Variants in GAD2 observed in about 807,000 individuals in gnomAD.
GAD2 encodes 65 kDa glutamic acid decarboxylase.
Under a neutral mutation model 80.1 loss-of-function variants are expected in GAD2, and 22 were observed. The observed-to-expected ratio is 0.27, with a 90% CI of 0.20 to 0.39. GAD2 has a LOEUF of 0.39. GAD2 is among the 10% of genes least tolerant of loss of function. The pLI, the probability that GAD2 is intolerant of heterozygous loss-of-function variation, is 1.00. For synonymous variants in GAD2, 274 were observed against 256.9 expected (o/e 1.07, Z -0.64); for missense variants, 624 against 738.4 (o/e 0.85, Z 1.80).
At chr10:26,248,771 T>G (rs961316839) in intron 8 of GAD2, among the ~76,000 whole-genome samples, 1 of 152,194 alleles carries the variant, frequency 6.6e-6, no homozygotes, top group Non-Finnish European at 1.5e-5. Context: ...ATTGCCTGAT[T>G]TTGTTTGATT....
At chr10:26,241,325 G>A (rs190762032) in intron 7 of GAD2, among the ~76,000 whole-genome samples, 28 of 152,238 alleles carry the variant, frequency 1.8e-4, no homozygotes, top group Admixed American at 1.0e-3. Context: ...GGACAAATTT[G>A]AATTCTTGTA....
intron 7 of GAD2, among the ~76,000 whole-genome samples, chr10:26,237,998 TCACACAGACACACACA>T (rs1319646344): frequency 1.7e-4 from 20 of 117,592 alleles, no homozygotes; most frequent in African/African-American, 6.7e-4. Flanking sequence ...CGAGACTCCA[TCACACAGACACACACA>T]CACACACACA....
At chr10:26,251,482 A>G (rs1215700486) in intron 8 of GAD2, among the ~76,000 whole-genome samples, 2 of 152,200 alleles carry the variant, frequency 1.3e-5, no homozygotes, top group South Asian at 2.1e-4. Flanking sequence ...TGAAGATTCA[A>G]TGTGTTGACA....
chr10:26,219,001 C>A, intron 3 of GAD2, 42 bp from the exon 4 acceptor site: 1 of 1,426,606 alleles, frequency 7.0e-7, no homozygotes, highest in Non-Finnish European at 9.5e-7. Context: ...TGAATATTTT[C>A]AAAGTAAAAT....
intron 4 of GAD2, among the ~76,000 whole-genome samples, chr10:26,219,715 A>G (rs1010751770): frequency 7.9e-5 from 12 of 152,354 alleles, no homozygotes; most frequent in South Asian, 6.2e-4. Flanking sequence ...GATCAGAAAC[A>G]GGACTCACCA....
In GAD2 at chr10:26,301,161, C is replaced by T. The variant is rs558907670; in HGVS notation, c.*200C>T. The T allele has an allele frequency of 1.7e-5, 9 of 539,156 alleles. No homozygotes were observed. The highest frequency in any genetic ancestry group is 5.0e-4 in the Middle Eastern group (1 of 2,014). 33.4% of individuals were successfully genotyped at this position (539,156 alleles called of 1,614,324 possible). A position where few individuals can be genotyped will look rare whatever the true frequency, so the allele number is the denominator to read the frequency against. ...AGTTTAGAATACCTCTCTAAGAATTCGTGACAAAAGGCTATGTTCTAATCA... is the reference window on the plus strand; with the variant it reads ...AGTTTAGAATACCTCTCTAAGAATTTGTGACAAAAGGCTATGTTCTAATCA... On this transcript the variant is annotated 3_prime_UTR_variant, in exon 16 of 16. Transcript: ENST00000376261.
At chr10:26,241,574 G>A (rs1021878912) in intron 7 of GAD2, among the ~76,000 whole-genome samples, 2 of 150,832 alleles carry the variant, frequency 1.3e-5, no homozygotes, top group African/African-American at 4.9e-5. Context: ...TAGAACTGAG[G>A]TGTCTTTTAT....
At chr10:26,257,826 A>C (rs1844961735) in intron 8 of GAD2, among the ~76,000 whole-genome samples, 1 of 152,234 alleles carries the variant, frequency 6.6e-6, no homozygotes, top group Admixed American at 6.5e-5. Flanking sequence ...TTCTTTTGTT[A>C]AATTAGCTGA....
At chr10:26,289,531 T>G (rs1199502075) in intron 13 of GAD2, among the ~76,000 whole-genome samples, 1 of 152,006 alleles carries the variant, frequency 6.6e-6, no homozygotes, top group East Asian at 1.9e-4. Flanking sequence ...AACCAATTTA[T>G]GCAAAAAATA....
rs1001988737 is a variant in GAD2 at position 26,286,458 on chromosome 10, T to C, written c.1350T>C (p.Val450=). 4 of 1,613,764 alleles carry C rather than the reference T, an allele frequency of 2.5e-6. No individual in the cohort carries two copies. The highest frequency in any genetic ancestry group is 3.4e-6 in the Non-Finnish European group (4 of 1,179,876). Residue 450 remains valine (V), a synonymous_variant, in exon 13 of 16, where the codon GTT becomes GTC. Transcript: ENST00000376261. ...GDKALQCGRH[V]DVFKLWLMWR... ...AGGCCTTACAGTGCGGACGCCACGT[T>C]GATGTTTTTAAACTATGGCTGATGT...
intron 15 of GAD2, among the ~76,000 whole-genome samples, chr10:26,297,702 T>A (rs1046683955): frequency 1.3e-5 from 2 of 152,224 alleles, no homozygotes; most frequent in Non-Finnish European, 2.9e-5. Flanking sequence ...AGGAGAGCTT[T>A]ATTGATGATA....
chr10:26,221,463 G>T (rs1844450948), intron 4 of GAD2, among the ~76,000 whole-genome samples: 1 of 152,246 alleles, frequency 6.6e-6, no homozygotes, highest in Non-Finnish European at 1.5e-5. Flanking sequence ...GAGATCATTA[G>T]ATTTGGTGCT....
At chr10:26,249,900 G>GT (rs1275807701) in intron 8 of GAD2, among the ~76,000 whole-genome samples, 1 of 152,134 alleles carries the variant, frequency 6.6e-6, no homozygotes, top group East Asian at 1.9e-4. Context: ...GGCAGGAGGG[G>GT]TTTGCCATGC....
intron 8 of GAD2, among the ~76,000 whole-genome samples, chr10:26,257,303 G>A (rs574847266): frequency 6.6e-6 from 1 of 152,104 alleles, no homozygotes; most frequent in Non-Finnish European, 1.5e-5. Context: ...CTTGAACCCG[G>A]GAGGCAGAGG....
chr10:26,254,630 C>T (rs146878289), intron 8 of GAD2, among the ~76,000 whole-genome samples: 4 of 152,172 alleles, frequency 2.6e-5, no homozygotes, highest in African/African-American at 7.2e-5. Flanking sequence ...CATGTTAAGC[C>T]GTTTGGACTT....
intron 8 of GAD2, among the ~76,000 whole-genome samples, chr10:26,253,835 A>G (rs953353971): frequency 6.6e-6 from 1 of 152,036 alleles, no homozygotes; most frequent in Non-Finnish European, 1.5e-5. Context: ...AGAGGCAAAA[A>G]TGTCCCAGGC....
intron 7 of GAD2, among the ~76,000 whole-genome samples, chr10:26,242,880 T>C (rs189931921): frequency 5.6e-4 from 85 of 152,322 alleles, no homozygotes; most frequent in African/African-American, 2.0e-3. Flanking sequence ...TTTTGCAGTT[T>C]AGTGCTTAAG....
At chr10:26,281,218 C>G (rs1053601500) in intron 12 of GAD2, 131 bp downstream of exon 12, 113 of 589,210 alleles carry the variant, frequency 1.9e-4, no homozygotes, top group Non-Finnish European at 3.1e-4. Flanking sequence ...CCAGAGAGCC[C>G]TTTCTAGATT....
At chr10:26,249,461 A>C (rs1307434544) in intron 8 of GAD2, among the ~76,000 whole-genome samples, 1 of 152,184 alleles carries the variant, frequency 6.6e-6, no homozygotes, top group African/African-American at 2.4e-5. Context: ...AACTTTCTTA[A>C]TCTGTAGTTG....
Sources: allele counts gnomAD v4.1 joint callset (sites outside exome capture counted in the v4.1 genomes callset), GRCh38; gene constraint gnomAD v4.1.1; transcripts MANE v1.5; gene names NCBI Gene and HGNC (gene_info 2026-07-23, HGNC 2026-07-21).